Variants in ZNF648 observed in about 807,000 individuals in gnomAD.
ZNF648 encodes the protein zinc finger protein 648.
A neutral mutation model predicts 0.3 loss-of-function variants in ZNF648; 1 was observed. The observed-to-expected ratio is 3.90, with a 90% confidence interval of 1.39 to 18.51. The LOEUF (loss-of-function observed/expected upper bound fraction) is 18.51. ZNF648 is among the 30% of genes most tolerant of loss of function. ZNF648 has a pLI of 0.11. For synonymous variants in ZNF648, 376 were observed against 326.8 expected (o/e 1.15, Z -1.62); for missense variants, 874 against 769.7 (o/e 1.14, Z -1.60).
chr1:182,057,979 C>G lies in ZNF648; in HGVS notation c.32G>C (p.Gly11Ala). The change falls in exon 2 of 2, where the codon GGA becomes GCA. Residue 11 changes from glycine to alanine, a missense_variant. Physicochemically the swap from Gly to Ala is moderately conservative, Grantham distance 60 (BLOSUM62 0). Transcript: ENST00000339948. MAQVDSQDRW[G>A]EASPLSSLTE... ...CAAGCTGCTGAGAGGAGACGCCTCT[C>G]CCCACCTGTCCTGGGAGTCCACTTG... is the stretch of plus-strand genomic sequence containing the variant. 6.2e-7 allele frequency: 1 copy of G among 1,611,850 alleles called. No individual in the cohort carries two copies. The highest frequency in any genetic ancestry group is 8.5e-7 in the Non-Finnish European group (1 of 1,178,868).
At position 182,057,743 on chromosome 1, in the gene ZNF648, T is replaced by G; in HGVS notation, c.268A>C (p.Met90Leu). 1 of 1,614,232 alleles carries G rather than the reference T, an allele frequency of 6.2e-7. No homozygotes were observed. The highest frequency in any genetic ancestry group is 8.5e-7 in the Non-Finnish European group (1 of 1,180,034). ...GACATTTCCACTGGTTTCTGCCCCA[T>G]GCCCCCAGCACTGGAGGAGTCAGAG... ...KFSDSSSAGG[M>L]GQKPVEMSGK... Residue 90 changes from methionine to leucine, a missense_variant, in exon 2 of 2, where the codon ATG becomes CTG. Coordinates refer to ENST00000339948, the MANE Select transcript of ZNF648 (RefSeq NM_001009992.1).
Position 182,056,198 on chromosome 1 carries a change from T to C in ZNF648, c.*106A>G. 3.5e-6 allele frequency: 5 copies of C among 1,416,226 alleles called. No individual in the cohort carries two copies. In the South Asian group the frequency reaches 7.0e-5, roughly 20 times the overall value. 87.7% of individuals were successfully genotyped at this position (1,416,226 alleles called of 1,614,324 possible). On this transcript the variant is annotated 3_prime_UTR_variant, in exon 2 of 2. Transcript: ENST00000339948. ...AATAAATAATCAAATGGACCACTGATGACCCGCGACCTGCTGGGAGGCGAG... is the reference window on the plus strand; with the variant it reads ...AATAAATAATCAAATGGACCACTGACGACCCGCGACCTGCTGGGAGGCGAG...
At chr1:182,061,715 A>C (rs1272207422), upstream of ZNF648, 1 of 152,330 alleles carries the variant, frequency 6.6e-6, no homozygotes, top group Admixed American at 6.5e-5. Context: ...CTGCAGAGAG[A>C]GCCTCTGGAG....
At position 182,057,617 on chromosome 1, in the gene ZNF648, G is replaced by A; in HGVS notation, c.394C>T (p.His132Tyr). Residue 132 changes from histidine (H) to tyrosine (Y), a missense_variant, in exon 2 of 2, where the codon CAC (histidine) becomes TAC (tyrosine). By Grantham distance (83) the His-to-Tyr change is moderately conservative (BLOSUM62 2). Transcript: ENST00000339948. ...GGTTGCATCTGACCTAACAATTTGT[G>A]TGCGAGACCACTGGGAAGGGAACCC... is the stretch of plus-strand genomic sequence containing the variant. ...ALGSLPSGLA[H>Y]KLLGQMQPLG... 1.9e-6 allele frequency: 3 copies of A among 1,614,204 alleles called. No homozygotes were observed. The highest frequency in any genetic ancestry group is 2.5e-6 in the Non-Finnish European group (3 of 1,180,032).
chr1:182,062,338 C>T (rs1434650185), upstream of ZNF648, among the ~76,000 whole-genome samples: 3 of 152,272 alleles, frequency 2.0e-5, no homozygotes, highest in South Asian at 6.2e-4. Context: ...TCAGTACATT[C>T]AGAATTTTTA....
chr1:182,060,437 G>A (rs1666012240), intron 1 of ZNF648, among the ~76,000 whole-genome samples: 2 of 152,206 alleles, frequency 1.3e-5, no homozygotes, highest in Admixed American at 6.5e-5. Context: ...TACCCTGTGT[G>A]TATGAAGAGG....
At chr1:182,060,837 C>T (rs753735241) in intron 1 of ZNF648, among the ~76,000 whole-genome samples, 1 of 152,156 alleles carries the variant, frequency 6.6e-6, no homozygotes, top group Non-Finnish European at 1.5e-5. Flanking sequence ...GTCTCTTTCC[C>T]TCTTTACGAC....
Position 182,056,211 on chromosome 1 carries a change from G to C in ZNF648, c.*93C>G, listed in dbSNP as rs1313785383. 2 of 1,483,356 alleles carry C rather than the reference G, an allele frequency of 1.3e-6. No homozygotes were observed. The highest frequency in any genetic ancestry group is 2.2e-5 in the Admixed American group (1 of 45,588). The allele number at this position is 1,483,356 out of a possible 1,614,324, so 91.9% of individuals were successfully genotyped here. On this transcript the variant is annotated 3_prime_UTR_variant, in exon 2 of 2. Coordinates refer to ENST00000339948, the MANE Select transcript of ZNF648 (RefSeq NM_001009992.1). ...ATGGACCACTGATGACCCGCGACCT[G>C]CTGGGAGGCGAGGCTGACCAGTGAG... is the stretch of plus-strand genomic sequence containing the variant.
intron 1 of ZNF648, among the ~76,000 whole-genome samples, chr1:182,059,656 A>G (rs1265906384): frequency 2.6e-5 from 4 of 152,134 alleles, no homozygotes; most frequent in Admixed American, 2.0e-4. Flanking sequence ...GATGAGGTCA[A>G]GAGATTGAGA....
chr1:182,056,777 G>T lies in ZNF648; in HGVS notation c.1234C>A (p.Arg412Ser). The part of the protein sequence containing the change: ...AVASRMVEHQ[R>S]VHSGERPFPC... ...AAGGGCCGCTCGCCCGAGTGCACGC[G>T]CTGGTGCTCCACCATGCGGCTGGCC... The change falls in exon 2 of 2, where the codon CGC (arginine) becomes AGC (serine). Residue 412 changes from arginine to serine, a missense_variant. Coordinates refer to ENST00000339948, the MANE Select transcript of ZNF648 (RefSeq NM_001009992.1). The T allele has an allele frequency of 6.4e-7, 1 of 1,559,840 alleles. No homozygotes were observed. The highest frequency in any genetic ancestry group is 1.2e-5 in the South Asian group (1 of 85,060).
At position 182,056,284 on chromosome 1, in the gene ZNF648, T is replaced by G; in HGVS notation, c.*20A>C. 1 of 1,583,834 alleles carries G rather than the reference T, an allele frequency of 6.3e-7. No homozygotes were observed. Among genetic ancestry groups the G allele is most frequent in the Admixed American group, 1.7e-5 (1 of 57,634 alleles). On this transcript the variant is annotated 3_prime_UTR_variant, in exon 2 of 2. Coordinates refer to ENST00000339948, the MANE Select transcript of ZNF648 (RefSeq NM_001009992.1). ...GCCCACCTGGGAAGGTTCCAAGTAGTGAGGTCGACGATGCTATCTTCACTC... is the reference window on the plus strand; with the variant it reads ...GCCCACCTGGGAAGGTTCCAAGTAGGGAGGTCGACGATGCTATCTTCACTC...
In ZNF648 at chr1:182,057,593, G is replaced by A. The variant is rs759977550; in HGVS notation, c.418C>T (p.Pro140Ser). ...LAHKLLGQMQ[P>S]LGDRLPAGDD... is the part of the protein sequence containing the mutation. ...CCCGCAGGTAGTCGGTCCCCAAGAG[G>A]TTGCATCTGACCTAACAATTTGTGT... The change falls in exon 2 of 2, where the codon CCT becomes TCT. Residue 140 changes from proline to serine, a missense_variant. Physicochemically the swap from Pro to Ser is moderately conservative, Grantham distance 74 (BLOSUM62 -1). Transcript: ENST00000339948. 3.1e-5 allele frequency: 50 copies of A among 1,614,112 alleles called. No individual in the cohort carries two copies. The highest frequency in any genetic ancestry group is 4.2e-5 in the Non-Finnish European group (50 of 1,180,062).
intron 1 of ZNF648, 32 bp from the exon 2 acceptor site, chr1:182,058,105 CA>C: frequency 1.4e-6 from 2 of 1,438,660 alleles, no homozygotes; most frequent in Non-Finnish European, 1.9e-6. Context: ...GAGAAAATCA[CA>C]AAGAATGTAC....
chr1:182,063,975 CTTGT>C (rs1362851018), upstream of ZNF648: 1 of 152,142 alleles, frequency 6.6e-6, no homozygotes, highest in Non-Finnish European at 1.5e-5. Flanking sequence ...TTCCCCATTG[CTTGT>C]TTTTGTCAGG....
In ZNF648 at chr1:182,057,483, C is replaced by A. The variant is rs1453274437; in HGVS notation, c.528G>T (p.Ala176=). The change falls in exon 2 of 2, where the codon GCG becomes GCT. Residue 176 remains alanine, a synonymous_variant. Coordinates refer to ENST00000339948, the MANE Select transcript of ZNF648 (RefSeq NM_001009992.1). ...CTGCGGACGTGTCTACACTTTTGTGCGCACAGAGATACTTTCCATTGCTGG... is the reference window on the plus strand; with the variant it reads ...CTGCGGACGTGTCTACACTTTTGTGAGCACAGAGATACTTTCCATTGCTGG... ...SFPSNGKYLC[A]HKSVDTSAGN... The A allele has an allele frequency of 1.9e-6, 3 of 1,614,078 alleles. No homozygotes were observed. The highest frequency in any genetic ancestry group is 2.7e-5 in the African/African-American group (2 of 74,934).
chr1:182,057,250 C>G lies in ZNF648; in HGVS notation c.761G>C (p.Arg254Pro). The G allele has an allele frequency of 1.3e-6, 2 of 1,576,596 alleles. No individual in the cohort carries two copies. Among genetic ancestry groups the G allele is most frequent in the Non-Finnish European group, 1.7e-6 (2 of 1,167,782 alleles). ...GGGCTTCTGAAAGGCCCGCCCGCCC[C>G]GCAGGCACCTGTAGGGACGCGCCTC... is the stretch of plus-strand genomic sequence containing the variant. ...EAEARPYRCL[R>P]GGRAFQKPSK... Residue 254 changes from arginine to proline, a missense_variant, in exon 2 of 2, where the codon CGG becomes CCG. Coordinates refer to ENST00000339948, the MANE Select transcript of ZNF648 (RefSeq NM_001009992.1).
chr1:182,063,166 T>C (rs1456157926), upstream of ZNF648: 1 of 152,230 alleles, frequency 6.6e-6, no homozygotes, highest in Non-Finnish European at 1.5e-5. Flanking sequence ...ATTGAACATA[T>C]GCATGCATGT....
At chr1:182,058,856 G>A (rs1472450444) in intron 1 of ZNF648, among the ~76,000 whole-genome samples, 4 of 152,004 alleles carry the variant, frequency 2.6e-5, no homozygotes, top group Admixed American at 1.3e-4. Context: ...TCGGAGTCTC[G>A]CTCTGTCACC....
chr1:182,056,333 CCTT>C lies in ZNF648; in HGVS notation c.1675_1677del (p.Lys559del), dbSNP rs1665905536. On this transcript the variant is annotated inframe_deletion, in exon 2 of 2. Coordinates refer to ENST00000339948, the MANE Select transcript of ZNF648 (RefSeq NM_001009992.1). ...TCGTCAGAGGAGGAAGGGATGGGCTCCTTCTTGCAGGTGCCGTGCTTGGCTCGG... is the reference window on the plus strand; with the variant it reads ...TCGTCAGAGGAGGAAGGGATGGGCTCCTTGCAGGTGCCGTGCTTGGCTCGG... The C allele has an allele frequency of 6.2e-7, 1 of 1,613,506 alleles. No homozygotes were observed. The highest frequency in any genetic ancestry group is 2.2e-5 in the East Asian group (1 of 44,864).
Sources: allele counts gnomAD v4.1 joint callset (sites outside exome capture counted in the v4.1 genomes callset), GRCh38; gene constraint gnomAD v4.1.1; transcripts MANE v1.5; gene names NCBI Gene and HGNC (gene_info 2026-07-23, HGNC 2026-07-21).